Variants in GRIP1 observed in about 807,000 individuals in gnomAD.
The protein encoded by GRIP1 is glutamate receptor interacting protein 1, also known as glutamate receptor-interacting protein 1.
GRIP1 carries 45 observed loss-of-function variants against 129.9 expected under a neutral mutation model. The observed-to-expected ratio is 0.35, with a 90% confidence interval of 0.27 to 0.44. The LOEUF is 0.44. GRIP1 is among the 20% of genes least tolerant of loss of function. The probability of loss-of-function intolerance (pLI) is 1.00; values close to 1 mark genes in which losing one functional copy is unlikely to be tolerated. For missense variants in GRIP1, 1,196 were observed against 1,396.8 expected, an observed-to-expected ratio of 0.86 and a Z score of 2.29; for synonymous variants, 530 against 520.8, an observed-to-expected ratio of 1.02 and a Z score of -0.24.
At chr12:66,475,839 G>A (rs1454139303) in intron 7 of GRIP1, among the ~76,000 whole-genome samples, 3 of 152,100 alleles carry the variant, frequency 2.0e-5, no homozygotes, top group Non-Finnish European at 2.9e-5. Context: ...GTGTGTAGAG[G>A]GAAATTTATA....
At chr12:66,654,126 T>C (rs939049109) in intron 1 of GRIP1, among the ~76,000 whole-genome samples, 2 of 152,122 alleles carry the variant, frequency 1.3e-5, no homozygotes, top group Non-Finnish European at 2.9e-5. Context: ...ACATAGGTGA[T>C]AGATTGAAAC....
chr12:66,992,997 C>T (rs182012441), intron 1 of GRIP1, among the ~76,000 whole-genome samples: 60 of 152,094 alleles, frequency 3.9e-4, no homozygotes, highest in Non-Finnish European at 2.6e-4. Flanking sequence ...ACCTGTGGTC[C>T]CAGCTACTCA....
chr12:66,495,868 G>C (rs978776088), intron 7 of GRIP1, among the ~76,000 whole-genome samples: 14 of 152,190 alleles, frequency 9.2e-5, no homozygotes, highest in African/African-American at 3.1e-4. Flanking sequence ...AGCCGTTCCC[G>C]GCAGCGCGAA....
At chr12:66,943,566 A>G (rs1025698454) in intron 1 of GRIP1, among the ~76,000 whole-genome samples, 8 of 152,244 alleles carry the variant, frequency 5.3e-5, no homozygotes, top group Non-Finnish European at 1.0e-4. Flanking sequence ...TAACAAACAC[A>G]AAAGGAAAGA....
chr12:67,004,523 A>C (rs1592455137), intron 1 of GRIP1, among the ~76,000 whole-genome samples: 3 of 152,290 alleles, frequency 2.0e-5, no homozygotes, highest in African/African-American at 2.4e-5. Flanking sequence ...AAAGAGATAG[A>C]GTTCCATTGT....
intron 1 of GRIP1, among the ~76,000 whole-genome samples, chr12:67,031,435 C>T (rs754308376): frequency 6.6e-6 from 1 of 152,200 alleles, no homozygotes; most frequent in Non-Finnish European, 1.5e-5. Context: ...GCCTTCCTCA[C>T]TAGACACCAT....
intron 14 of GRIP1, among the ~76,000 whole-genome samples, chr12:66,428,150 C>A (rs1293450760): frequency 6.6e-6 from 1 of 152,170 alleles, no homozygotes; most frequent in Non-Finnish European, 1.5e-5. Context: ...GGTTTGGTAA[C>A]ATTTTGACCT....
chr12:66,604,989 T>G (rs1034301426), intron 1 of GRIP1, among the ~76,000 whole-genome samples: 1 of 146,786 alleles, frequency 6.8e-6, no homozygotes, highest in Non-Finnish European at 1.5e-5. Flanking sequence ...CAATAATACA[T>G]TTGGAGTAAT....
intron 1 of GRIP1, among the ~76,000 whole-genome samples, chr12:66,789,287 A>G (rs548527315): frequency 6.6e-6 from 1 of 152,296 alleles, no homozygotes; most frequent in African/African-American, 2.4e-5. Context: ...CTCTAAGTCC[A>G]TTCAGGAGAG....
intron 1 of GRIP1, among the ~76,000 whole-genome samples, chr12:67,012,320 A>G (rs2042721142): frequency 6.6e-6 from 1 of 152,202 alleles, no homozygotes; most frequent in Non-Finnish European, 1.5e-5. Flanking sequence ...TATTATCATT[A>G]AGAATTAGAA....
chr12:67,046,466 T>C (rs1190696270), intron 1 of GRIP1, among the ~76,000 whole-genome samples: 1 of 152,246 alleles, frequency 6.6e-6, no homozygotes, highest in Non-Finnish European at 1.5e-5. Context: ...CTGAATTTCA[T>C]GTTAATTTTA....
chr12:66,804,289 C>G (rs2038940637), upstream of GRIP1: 1 of 318,960 alleles, frequency 3.1e-6, no homozygotes, highest in African/African-American at 2.2e-5. Flanking sequence ...CAAACCTGGA[C>G]CAGGACAGCT....
intron 5 of GRIP1, among the ~76,000 whole-genome samples, chr12:66,520,630 C>T (rs188952334): frequency 6.6e-6 from 1 of 152,170 alleles, no homozygotes; most frequent in South Asian, 2.1e-4. Context: ...TGGATATACA[C>T]ACAGATAGTG....
At chr12:66,452,677 A>G (rs1056699927) in intron 11 of GRIP1, among the ~76,000 whole-genome samples, 1 of 152,196 alleles carries the variant, frequency 6.6e-6, no homozygotes, top group Non-Finnish European at 1.5e-5. Context: ...AAACATATGT[A>G]TTACAAAGGG....
At chr12:67,064,300 A>C (rs2043584925) in intron 1 of GRIP1, among the ~76,000 whole-genome samples, 1 of 152,248 alleles carries the variant, frequency 6.6e-6, no homozygotes, top group African/African-American at 2.4e-5. Flanking sequence ...CGAAAGGGAA[A>C]GATGTTACAA....
At chr12:66,776,808 T>C in intron 1 of GRIP1, among the ~76,000 whole-genome samples, 1 of 152,320 alleles carries the variant, frequency 6.6e-6, no homozygotes, top group South Asian at 2.1e-4. Flanking sequence ...AATGCCATAG[T>C]GATAACAGGA....
chr12:66,540,784 T>G (rs899778970), intron 3 of GRIP1, among the ~76,000 whole-genome samples: 1 of 151,856 alleles, frequency 6.6e-6, no homozygotes, highest in Non-Finnish European at 1.5e-5. Context: ...TATTTTTTAT[T>G]TTTACTTATT....
intron 4 of GRIP1, among the ~76,000 whole-genome samples, chr12:66,534,270 A>C (rs2061545472): frequency 6.6e-6 from 1 of 152,200 alleles, no homozygotes; most frequent in African/African-American, 2.4e-5. Context: ...AAAAGATGGT[A>C]CTGCATAATG....
At chr12:66,953,701 A>G (rs566925335) in intron 1 of GRIP1, among the ~76,000 whole-genome samples, 21 of 152,254 alleles carry the variant, frequency 1.4e-4, no homozygotes, top group South Asian at 1.0e-3. Context: ...TGTTCTCACC[A>G]GGGATGACAG....
Sources: gnomAD v4.1 joint callset for allele counts (sites outside exome capture counted in the v4.1 genomes callset) on GRCh38, gnomAD v4.1.1 for gene constraint, MANE v1.5 for transcripts, NCBI Gene and HGNC (gene_info 2026-07-23, HGNC 2026-07-21) for gene names.